Variants in MYLK observed in about 807,000 individuals in gnomAD.
MYLK encodes the protein myosin light chain kinase, smooth muscle.
MYLK carries 106 observed loss-of-function variants against 203.4 expected under a neutral mutation model. The ratio of observed to expected loss-of-function variants is 0.52; its 90% confidence interval spans 0.45 to 0.61. MYLK has a LOEUF of 0.61. MYLK is among the 20% of genes least tolerant of loss of function. The probability of loss-of-function intolerance (pLI) is 0.00; values close to 1 mark genes in which losing one functional copy is unlikely to be tolerated. For missense variants in MYLK, 2,072 were observed against 2,442.3 expected, an observed-to-expected ratio of 0.85 and a Z score of 3.20; for synonymous variants, 867 against 959.5, an observed-to-expected ratio of 0.90 and a Z score of 1.78.
intron 4 of MYLK, among the ~76,000 whole-genome samples, chr3:123,755,641 T>C (rs2063337341): frequency 6.6e-6 from 1 of 152,180 alleles, no homozygotes; most frequent in Non-Finnish European, 1.5e-5. Flanking sequence ...CCTGGACCTC[T>C]GGGTGGTGAA....
At chr3:123,746,784 C>A (rs1204377436) in intron 5 of MYLK, among the ~76,000 whole-genome samples, 1 of 137,184 alleles carries the variant, frequency 7.3e-6, no homozygotes, top group African/African-American at 2.6e-5. Context: ...AAACTCAGAG[C>A]ATTTTAAGAT....
chr3:123,700,248 C>T lies in MYLK; in HGVS notation c.3220G>A (p.Asp1074Asn), dbSNP rs765309702. The change falls in exon 18 of 34, where the codon GAT becomes AAT. Residue 1074 changes from aspartate (D) to asparagine (N), a missense_variant. Physicochemically the swap from Asp to Asn is conservative, Grantham distance 23. This residue lies in a region of MYLK where 865 missense variants were observed against 1,016.0 expected (regional missense o/e 0.85). Transcript: ENST00000360304. ...KEELKKDVKN[D>N]VNCKRGHAGT... ...GCATGGCCTCTCTTGCAGTTCACAT[C>T]ATTCTTAACGTCTTTCTTGAGTTCT... The T allele has an allele frequency of 4.3e-6, 7 of 1,613,232 alleles. No individual in the cohort carries two copies. In the South Asian group the frequency reaches 5.5e-5, roughly 13 times the overall value.
At chr3:123,879,936 G>A (rs10934652) in intron 1 of MYLK, among the ~76,000 whole-genome samples, 15,296 of 152,200 alleles carry the variant, frequency 0.1, 1,201 homozygotes, top group East Asian at 0.36. Context: ...TTACAGGCGT[G>A]AGCCACCGTG....
Position 123,738,990 on chromosome 3 carries a change from G to A in MYLK, c.495C>T (p.Thr165=), listed in dbSNP as rs771348616. 2 of 1,613,736 alleles carry A rather than the reference G, an allele frequency of 1.2e-6. No individual in the cohort carries two copies. The highest frequency in any genetic ancestry group is 2.2e-5 in the East Asian group (1 of 44,856). ...CTTTGACCACAACTCGGCCCAGCTT[G>A]GTAGCAAACTTTGGTGGGCACTCCC... The part of the protein sequence containing the change: ...IWGECPPKFA[T]KLGRVVVKEG... The change falls in exon 7 of 34, where the codon ACC becomes ACT. Residue 165 remains threonine (T), a synonymous_variant. Coordinates refer to ENST00000360304, the MANE Select transcript of MYLK (RefSeq NM_053025.4).
chr3:123,739,123 T>C, intron 6 of MYLK, 61 bp from the exon 7 acceptor site: 1 of 1,571,408 alleles, frequency 6.4e-7, no homozygotes, highest in Non-Finnish European at 8.7e-7. Flanking sequence ...CCATCCTCTC[T>C]CCACCTCACT....
intron 19 of MYLK, among the ~76,000 whole-genome samples, chr3:123,686,947 CG>C (rs1206311818): frequency 2.0e-5 from 3 of 152,130 alleles, no homozygotes; most frequent in Non-Finnish European, 2.9e-5. Context: ...GTGGGCCAGG[CG>C]CGGTAGCTCA....
At chr3:123,682,420 C>G (rs1277313758) in intron 19 of MYLK, 110 bp from the exon 20 acceptor site, 3 of 848,296 alleles carry the variant, frequency 3.5e-6, no homozygotes, top group Non-Finnish European at 5.8e-6. Context: ...ACTCTGAGGG[C>G]CCTTTGTGCC....
intron 3 of MYLK, among the ~76,000 whole-genome samples, chr3:123,799,369 T>C (rs148265947): frequency 3.1e-3 from 467 of 152,310 alleles, no homozygotes; most frequent in African/African-American, 0.011. Context: ...GAAAAGAGAT[T>C]GTAACTATAA....
intron 13 of MYLK, among the ~76,000 whole-genome samples, chr3:123,713,143 G>GT (rs2061763179): frequency 1.3e-5 from 2 of 152,188 alleles, no homozygotes. Context: ...CAGACATTTA[G>GT]TTCGGTGTCA....
rs1433300131 is a variant in MYLK, at chr3:123,692,810, C to T, written c.3490G>A (p.Asp1164Asn). ...SVSIEKALPE[D>N]RGLYKCVAKN... ...GCTACACACTTGTATAAGCCTCTGTCCTCAGGCAGTGCCTTCTCGATGGAG... is the reference window on the plus strand; with the variant it reads ...GCTACACACTTGTATAAGCCTCTGTTCTCAGGCAGTGCCTTCTCGATGGAG... The change falls in exon 19 of 34, where the codon GAC (aspartate) becomes AAC (asparagine). Residue 1164 changes from aspartate to asparagine, a missense_variant. Physicochemically the swap from Asp to Asn is conservative, Grantham distance 23 (BLOSUM62 1). Coordinates refer to ENST00000360304, the MANE Select transcript of MYLK (RefSeq NM_053025.4). 1 of 1,614,110 alleles carries T rather than the reference C, an allele frequency of 6.2e-7. No homozygotes were observed. The highest frequency in any genetic ancestry group is 2.2e-5 in the East Asian group (1 of 44,868).
At chr3:123,764,603 A>T (rs1279450153) in intron 4 of MYLK, among the ~76,000 whole-genome samples, 1 of 152,130 alleles carries the variant, frequency 6.6e-6, no homozygotes, top group Non-Finnish European at 1.5e-5. Flanking sequence ...CTCCCTTTTG[A>T]GTACAACGCT....
In MYLK at chr3:123,620,491, C is replaced by T. The variant is rs820456; in HGVS notation, c.5239-155G>A. 2.6e-6 allele frequency: 4 copies of T among 1,543,222 alleles called. No homozygotes were observed. In the Admixed American group the frequency reaches 5.5e-5, roughly 21 times the overall value. The stretch of plus-strand genomic sequence containing the variant: ...GCCGAGGTTCTGCCAGAGGAGCGAA[C>T]CCAACCTTGCTCTGCTCAGCACTGT... On this transcript the variant is annotated intron_variant, in intron 31 of 33. Transcript: ENST00000360304.
intron 4 of MYLK, among the ~76,000 whole-genome samples, chr3:123,781,685 G>A (rs142750229): frequency 1.3e-5 from 2 of 152,278 alleles, no homozygotes; most frequent in East Asian, 3.9e-4. Context: ...GAAGATGGGA[G>A]CAACGGTCAA....
At chr3:123,827,693 C>T (rs1229113804) in intron 3 of MYLK, among the ~76,000 whole-genome samples, 1 of 34,366 alleles carries the variant, frequency 2.9e-5, no homozygotes, top group African/African-American at 1.0e-4. Flanking sequence ...ATGAAAAACA[C>T]CATATATATA....
chr3:123,670,310 G>A (rs1461343534), intron 20 of MYLK, among the ~76,000 whole-genome samples: 1 of 152,166 alleles, frequency 6.6e-6, no homozygotes, highest in East Asian at 1.9e-4. Flanking sequence ...TGAAGGCTAG[G>A]GAAGGTCTGA....
At chr3:123,718,862 TG>T (rs2108720541) in intron 13 of MYLK, among the ~76,000 whole-genome samples, 1 of 152,358 alleles carries the variant, frequency 6.6e-6, no homozygotes, top group East Asian at 1.9e-4. Context: ...TCAGCTGTCC[TG>T]TCTACTGCAG....
rs143398165 is a variant in MYLK, at chr3:123,629,513, G to T, written c.5075C>A (p.Ala1692Asp). 1 of 1,614,068 alleles carries T rather than the reference G, an allele frequency of 6.2e-7. No individual in the cohort carries two copies. Among genetic ancestry groups the T allele is most frequent in the African/African-American group, 1.3e-5 (1 of 74,914 alleles). The part of the protein sequence containing the change: ...DEAFDEISDD[A>D]KDFISNLLKK... ...CAGCAGATTGCTGATGAAATCCTTG[G>T]CATCGTCGGAGATCTCATCGAATGC... The change falls in exon 30 of 34, where the codon GCC (alanine) becomes GAC (aspartate). Residue 1692 changes from alanine (A) to aspartate (D), a missense_variant. Physicochemically the swap from Ala to Asp is moderately radical, Grantham distance 126. Around this residue, in one of 3 missense-constraint regions of MYLK, gnomAD observed 524 missense variants for 782.4 expected, o/e 0.67. Coordinates refer to ENST00000360304, the MANE Select transcript of MYLK (RefSeq NM_053025.4). This position sits in a 1 kb window ranked among gnomAD's most constrained non-coding sequence, Gnocchi z 4.4.
rs750862329 is a variant in MYLK, at chr3:123,793,776, T to G, written c.66A>C (p.Ser22=). 6.2e-7 allele frequency: 1 copy of G among 1,613,750 alleles called. No individual in the cohort carries two copies. Among genetic ancestry groups the G allele is most frequent in the African/African-American group, 1.3e-5 (1 of 74,886 alleles). Residue 22 remains serine (S), a synonymous_variant, in exon 4 of 34, where the codon TCA becomes TCC. Coordinates refer to ENST00000360304, the MANE Select transcript of MYLK (RefSeq NM_053025.4). The part of the protein sequence containing the change: ...ISKTSLSVDP[S]RVDSMPLTEA... ...CTGTCAGGGGCATGGAGTCAACTCTTGAGGGATCCACACTGAGGGAGGTTT... is the reference window on the plus strand; with the variant it reads ...CTGTCAGGGGCATGGAGTCAACTCTGGAGGGATCCACACTGAGGGAGGTTT...
In MYLK at chr3:123,769,535, G is replaced by A. The variant is rs573569438; in HGVS notation, c.166-16997C>T. 1.5e-4 allele frequency among the ~76,000 whole-genome samples: 23 copies of A among 152,324 alleles called. No individual in the cohort carries two copies. The South Asian group carries it at 4.8e-3, about 32-fold the overall frequency. The stretch of plus-strand genomic sequence containing the variant: ...AGCACTGAGTAGCTAGCTGACTGAT[G>A]TCTCTCCTCTCCAATCTTTATATCC... On this transcript the variant is annotated intron_variant, in intron 4 of 33. Coordinates refer to ENST00000360304, the MANE Select transcript of MYLK (RefSeq NM_053025.4).
Sources: gnomAD v4.1 joint callset for allele counts (sites outside exome capture counted in the v4.1 genomes callset) on GRCh38, gnomAD v4.1.1 for gene constraint, gnomAD v4.1.1 regional missense constraint, Gnocchi (gnomAD v3.1) non-coding constraint, MANE v1.5 for transcripts, NCBI Gene and HGNC (gene_info 2026-07-23, HGNC 2026-07-21) for gene names.